Variants in ARHGAP42 observed in about 807,000 individuals in gnomAD.
The protein encoded by ARHGAP42 is rho GTPase-activating protein 42.
In ARHGAP42, 63 loss-of-function variants were observed where a neutral mutation model predicts 125.0. That is an observed-to-expected ratio of 0.50 (90% CI 0.41 to 0.62). ARHGAP42 has a LOEUF of 0.62. ARHGAP42 is among the 20% of genes least tolerant of loss of function. The pLI is 0.00. For synonymous variants in ARHGAP42, 339 were observed against 351.0 expected, an observed-to-expected ratio of 0.97 and a Z score of 0.38; for missense variants, 766 against 1,024.2, an observed-to-expected ratio of 0.75 and a Z score of 3.44.
chr11:100,840,984 C>A (rs1034673308), intron 3 of ARHGAP42, among the ~76,000 whole-genome samples: 1 of 152,136 alleles, frequency 6.6e-6, no homozygotes, highest in African/African-American at 2.4e-5. Flanking sequence ...ATTCTCAATG[C>A]TCCCCCTTAG....
intron 4 of ARHGAP42, among the ~76,000 whole-genome samples, chr11:100,876,861 C>T (rs1240378102): frequency 6.6e-6 from 1 of 152,174 alleles, no homozygotes; most frequent in Non-Finnish European, 1.5e-5. Flanking sequence ...CTTCTATATA[C>T]AGCCAGTAAT....
chr11:100,747,097 A>AG (rs1316382665), intron 1 of ARHGAP42, among the ~76,000 whole-genome samples: 1 of 152,206 alleles, frequency 6.6e-6, no homozygotes, highest in African/African-American at 2.4e-5. Context: ...GAAACTCCAA[A>AG]GGTGGTGCCT....
At chr11:100,970,294 C>T (rs485767) in intron 17 of ARHGAP42, among the ~76,000 whole-genome samples, 134,423 of 152,142 alleles carry the variant, frequency 0.88, 59,489 homozygotes, top group East Asian at 1. Context: ...CAGACTAATT[C>T]AGTATCTTTA....
At chr11:100,961,798 G>A (rs374152256) in intron 15 of ARHGAP42, 30 bp downstream of exon 15, 244 of 1,529,830 alleles carry the variant, frequency 1.6e-4, no homozygotes, top group Non-Finnish European at 1.9e-4. Context: ...TGGTACTCTG[G>A]ATGTAATCTC....
chr11:100,816,440 A>G (rs1263341726), intron 3 of ARHGAP42, among the ~76,000 whole-genome samples: 1 of 152,172 alleles, frequency 6.6e-6, no homozygotes, highest in East Asian at 1.9e-4. Context: ...CACACGGTTA[A>G]CAGAGAGTGA....
At chr11:100,859,416 A>G in intron 3 of ARHGAP42, 138 bp from the exon 4 acceptor site, 3 of 642,694 alleles carry the variant, frequency 4.7e-6, no homozygotes, top group South Asian at 4.2e-5. Flanking sequence ...AGAACTGTAT[A>G]TAACATGTAA....
chr11:100,963,493 A>G lies in ARHGAP42; in HGVS notation c.1444+1026A>G, dbSNP rs551014802. On this transcript the variant is annotated intron_variant, in intron 16 of 23. Coordinates refer to ENST00000298815, the MANE Select transcript of ARHGAP42 (RefSeq NM_152432.4). ...CAGATTATTTTTCACAATCCAAGAAATAAATTAGTTGCTTTAGTTTATTTG... is the reference window on the plus strand; with the variant it reads ...CAGATTATTTTTCACAATCCAAGAAGTAAATTAGTTGCTTTAGTTTATTTG... 1.2e-3 allele frequency among the ~76,000 whole-genome samples: 188 copies of G among 152,348 alleles called. 4 individuals are homozygous for G. The South Asian group carries it at 0.036, about 29-fold the overall frequency.
intron 16 of ARHGAP42, among the ~76,000 whole-genome samples, chr11:100,962,882 A>G (rs1342084041): frequency 3.3e-5 from 5 of 152,040 alleles, no homozygotes; most frequent in Admixed American, 1.3e-4. Context: ...ATCTCAAATT[A>G]AAAAAAAGAA....
rs1448840926 is a variant in ARHGAP42 at position 100,993,845 on chromosome 11, A to C, written c.*5044A>C. 1 of 167,054 alleles carries C rather than the reference A, an allele frequency of 6.0e-6. No individual in the cohort carries two copies. The highest frequency in any genetic ancestry group is 1.5e-5 in the Non-Finnish European group (1 of 68,126). The allele number at this position is 167,054 out of a possible 1,614,324, so 10.3% of individuals were successfully genotyped here. A position where few individuals can be genotyped will look rare whatever the true frequency, so the allele number is the denominator to read the frequency against. Reference sequence around the variant, plus strand: ...CATATGCCAACATGTAAATAACCTCATGTTTATTCCTAATCTAAATTGCCA... The same window carrying C: ...CATATGCCAACATGTAAATAACCTCCTGTTTATTCCTAATCTAAATTGCCA... On this transcript the variant is annotated 3_prime_UTR_variant, in exon 24 of 24. Transcript: ENST00000298815.
chr11:100,714,998 G>A (rs1861631726), intron 1 of ARHGAP42, among the ~76,000 whole-genome samples: 1 of 140,466 alleles, frequency 7.1e-6, no homozygotes, highest in African/African-American at 2.7e-5. Flanking sequence ...GCAGTGAGCT[G>A]TGATTGCACC....
At chr11:100,827,089 C>T (rs889713700) in intron 3 of ARHGAP42, among the ~76,000 whole-genome samples, 3 of 148,652 alleles carry the variant, frequency 2.0e-5, no homozygotes, top group Non-Finnish European at 3.0e-5. Context: ...CTGCAACTTC[C>T]GCCTCCTAGA....
chr11:100,790,536 C>T (rs1188787637), intron 2 of ARHGAP42, among the ~76,000 whole-genome samples: 1 of 152,150 alleles, frequency 6.6e-6, no homozygotes, highest in Non-Finnish European at 1.5e-5. Context: ...TGAATATAGT[C>T]AGGAAAGTTT....
chr11:100,800,298 G>A (rs1863820278), intron 3 of ARHGAP42, among the ~76,000 whole-genome samples: 1 of 152,128 alleles, frequency 6.6e-6, no homozygotes, highest in African/African-American at 2.4e-5. Flanking sequence ...AAGCAGAGAT[G>A]GCAAGCATAA....
chr11:100,853,365 T>A (rs542038991), intron 3 of ARHGAP42, among the ~76,000 whole-genome samples: 3 of 152,170 alleles, frequency 2.0e-5, no homozygotes, highest in Admixed American at 6.6e-5. Flanking sequence ...GGCAATATGC[T>A]ATGGTTAAGT....
At chr11:100,750,556 C>T (rs1447634487) in intron 1 of ARHGAP42, among the ~76,000 whole-genome samples, 1 of 145,050 alleles carries the variant, frequency 6.9e-6, no homozygotes, top group Non-Finnish European at 1.5e-5. Context: ...GCACGTGGCC[C>T]CTGCTGCTGT....
intron 1 of ARHGAP42, among the ~76,000 whole-genome samples, chr11:100,699,164 A>T (rs1221445524): frequency 3.9e-5 from 6 of 151,984 alleles, no homozygotes; most frequent in Non-Finnish European, 8.8e-5. Context: ...AGCCCAGGGG[A>T]TATAACTACC....
At chr11:100,730,693 A>G (rs1861941080) in intron 1 of ARHGAP42, among the ~76,000 whole-genome samples, 1 of 152,234 alleles carries the variant, frequency 6.6e-6, no homozygotes, top group Non-Finnish European at 1.5e-5. Flanking sequence ...ATATTGCTTA[A>G]TGACAAGATT....
intron 1 of ARHGAP42, among the ~76,000 whole-genome samples, chr11:100,722,632 G>T (rs902068552): frequency 1.3e-5 from 2 of 152,046 alleles, no homozygotes; most frequent in Non-Finnish European, 2.9e-5. Context: ...CAGGTGATGC[G>T]CCCGCCTTGG....
intron 1 of ARHGAP42, among the ~76,000 whole-genome samples, chr11:100,699,010 T>C (rs1452211598): frequency 6.6e-6 from 1 of 152,196 alleles, no homozygotes; most frequent in African/African-American, 2.4e-5. Flanking sequence ...TCTTCCATTT[T>C]CATTTTATTT....
Sources: gnomAD v4.1 joint callset for allele counts (sites outside exome capture counted in the v4.1 genomes callset) on GRCh38, gnomAD v4.1.1 for gene constraint, MANE v1.5 for transcripts, NCBI Gene and HGNC (gene_info 2026-07-23, HGNC 2026-07-21) for gene names.